STAT3: variants seen among roughly 807,000 people sequenced by gnomAD.
STAT3 encodes DNA-binding protein APRF.
Under a neutral mutation model 114.3 loss-of-function variants are expected in STAT3, and 7 were observed. The observed-to-expected ratio is 0.06, with a 90% CI of 0.03 to 0.11. The LOEUF (loss-of-function observed/expected upper bound fraction) is 0.11, where lower values mean the gene tolerates loss of function less well. Ranked by LOEUF, STAT3 falls within the 10% of genes least tolerant of loss-of-function variation. STAT3 has a pLI of 1.00. For synonymous variants in STAT3, 331 were observed against 354.5 expected (o/e 0.93, Z 0.74); for missense variants, 364 against 960.9 (o/e 0.38, Z 8.21).
chr17:42,345,403 C>CT lies in STAT3; in HGVS notation c.372+155dup, dbSNP rs17880347. The CT allele has an allele frequency of 0.043, 29,333 of 681,944 alleles. 713 individuals are homozygous for CT. The highest frequency in any genetic ancestry group is 0.053 in the Non-Finnish European group (22,197 of 419,020). The allele number at this position is 681,944 out of a possible 1,614,324, so 42.2% of individuals were successfully genotyped here. A position where few individuals can be genotyped will look rare whatever the true frequency, so the allele number is the denominator to read the frequency against. On this transcript the variant is annotated intron_variant, in intron 4 of 23. Coordinates refer to ENST00000264657, the MANE Select transcript of STAT3 (RefSeq NM_139276.3). ...AATGTATTTTGGGGGGTGGAACTTT[C>CT]TTTTTTTTTAGAGTTTTTCAATGTA...
At chr17:42,373,903 T>G (rs1223678182) in intron 1 of STAT3, among the ~76,000 whole-genome samples, 2 of 149,844 alleles carry the variant, frequency 1.3e-5, no homozygotes, top group East Asian at 3.9e-4. Context: ...AAAAAAAAAA[T>G]TAATTGAGCT....
chr17:42,320,513 T>C (rs1307160971), intron 21 of STAT3, among the ~76,000 whole-genome samples: 3 of 152,142 alleles, frequency 2.0e-5, no homozygotes, highest in Non-Finnish European at 4.4e-5. Flanking sequence ...GCAGATCACC[T>C]GAGGTCAGGA....
chr17:42,339,476 C>A, intron 4 of STAT3, 67 bp from the exon 5 acceptor site: 8 of 1,498,426 alleles, frequency 5.3e-6, no homozygotes, highest in Non-Finnish European at 7.4e-6. Context: ...CTCTACCCAG[C>A]TTCCATCCCA....
intron 4 of STAT3, among the ~76,000 whole-genome samples, chr17:42,344,963 C>A (rs1420315619): frequency 6.6e-6 from 1 of 151,794 alleles, no homozygotes; most frequent in Non-Finnish European, 1.5e-5. Context: ...ATAATCTGTA[C>A]TATGAAAGTT....
At chr17:42,318,477 G>A (rs1171606265) in intron 21 of STAT3, among the ~76,000 whole-genome samples, 1 of 152,140 alleles carries the variant, frequency 6.6e-6, no homozygotes, top group Non-Finnish European at 1.5e-5. Flanking sequence ...ATAAGAGGGA[G>A]GGGGAAGACA....
At chr17:42,379,265 AAAG>A (rs1241105023) in intron 1 of STAT3, among the ~76,000 whole-genome samples, 1 of 152,180 alleles carries the variant, frequency 6.6e-6, no homozygotes, top group Non-Finnish European at 1.5e-5. Context: ...GGCCAGGAAA[AAAG>A]AAAAGCACTG....
At chr17:42,317,128 G>A (rs533148581) in intron 22 of STAT3, 54 bp downstream of exon 22, 63 of 1,612,066 alleles carry the variant, frequency 3.9e-5, no homozygotes, top group Non-Finnish European at 5.2e-5. Context: ...CCATTCCCAG[G>A]GATAACTGAG....
chr17:42,386,022 C>T (rs2085083187), intron 1 of STAT3, among the ~76,000 whole-genome samples: 1 of 152,120 alleles, frequency 6.6e-6, no homozygotes, highest in African/African-American at 2.4e-5. Flanking sequence ...TGGCTCACAC[C>T]TGTAATCCCA....
At chr17:42,352,234 G>A (rs2083002212) in intron 1 of STAT3, among the ~76,000 whole-genome samples, 1 of 151,926 alleles carries the variant, frequency 6.6e-6, no homozygotes, top group Non-Finnish European at 1.5e-5. Flanking sequence ...AGCTACTCAG[G>A]AGGCTGAGGC....
rs1388200234 is a variant in STAT3 at position 42,380,031 on chromosome 17, C to T, written c.-24+8248G>A. The stretch of plus-strand genomic sequence containing the variant: ...CATTTTAGTTTAGTTTTTGATATGA[C>T]AGTTTTTTGTTTTTTGTTTTTGTGA... On this transcript the variant is annotated intron_variant, in intron 1 of 23. Transcript: ENST00000264657. Among the ~76,000 whole-genome samples, 3 of 151,990 alleles carry T rather than the reference C, an allele frequency of 2.0e-5. No homozygotes were observed. The East Asian group carries it at 5.8e-4, about 29-fold the overall frequency.
intron 1 of STAT3, among the ~76,000 whole-genome samples, chr17:42,356,468 A>T (rs187804211): frequency 2.6e-5 from 4 of 151,746 alleles, no homozygotes; most frequent in African/African-American, 9.7e-5. Context: ...AAAAATAAAA[A>T]TTGACATGTT....
chr17:42,368,825 A>T (rs1413253830), intron 1 of STAT3, among the ~76,000 whole-genome samples: 3 of 151,378 alleles, frequency 2.0e-5, no homozygotes, highest in Non-Finnish European at 4.4e-5. Context: ...TTTGTTGTAC[A>T]GCTTATTTTG....
At chr17:42,378,491 C>T (rs913037079) in intron 1 of STAT3, among the ~76,000 whole-genome samples, 1 of 152,198 alleles carries the variant, frequency 6.6e-6, no homozygotes, top group Non-Finnish European at 1.5e-5. Context: ...AAGCAATCCA[C>T]ATGCCTTGGT....
At chr17:42,351,850 C>T (rs2082977754) in intron 1 of STAT3, among the ~76,000 whole-genome samples, 1 of 151,984 alleles carries the variant, frequency 6.6e-6, no homozygotes, top group Admixed American at 6.6e-5. Context: ...CTTCAGTCTC[C>T]CGGGTTCAAG....
At chr17:42,325,250 TGGC>T in intron 15 of STAT3, 189 bp from the exon 16 acceptor site, 1 of 594,774 alleles carries the variant, frequency 1.7e-6, no homozygotes, top group Non-Finnish European at 3.0e-6. Flanking sequence ...ATGCCCAGCG[TGGC>T]CACACAACTC....
At chr17:42,372,129 T>C (rs1310849771) in intron 1 of STAT3, among the ~76,000 whole-genome samples, 1 of 152,196 alleles carries the variant, frequency 6.6e-6, no homozygotes, top group Non-Finnish European at 1.5e-5. Flanking sequence ...GAATGTATAA[T>C]GGTACAGTCA....
At chr17:42,340,401 T>C (rs2082394806) in intron 4 of STAT3, among the ~76,000 whole-genome samples, 1 of 148,244 alleles carries the variant, frequency 6.7e-6, no homozygotes. Context: ...GCATGGTAGC[T>C]CCCACCTATA....
chr17:42,335,061 T>C (rs1365645487), intron 8 of STAT3, among the ~76,000 whole-genome samples: 9 of 152,168 alleles, frequency 5.9e-5, no homozygotes, highest in Non-Finnish European at 1.3e-4. Context: ...TTCACCATCA[T>C]GGGCCTTAGC....
chr17:42,387,771 G>A (rs1239210445), intron 1 of STAT3: 1 of 153,122 alleles, frequency 6.5e-6, no homozygotes, highest in Non-Finnish European at 1.5e-5. Context: ...GCAGGCGACA[G>A]ACACACCTAT....
Sources: gnomAD v4.1 joint callset for allele counts (sites outside exome capture counted in the v4.1 genomes callset) on GRCh38, gnomAD v4.1.1 for gene constraint, MANE v1.5 for transcripts, NCBI Gene and HGNC (gene_info 2026-07-23, HGNC 2026-07-21) for gene names.